Variants in CRYBB2 observed in about 807,000 individuals in gnomAD.
CRYBB2 encodes beta-crystallin B2.
In CRYBB2, 12 loss-of-function variants were observed where a neutral mutation model predicts 24.3. The observed-to-expected ratio is 0.49, with a 90% CI of 0.32 to 0.80. CRYBB2 has a LOEUF of 0.80. Among genes scored for constraint, CRYBB2 ranks in the 30% least tolerant of loss-of-function variants. The probability of loss-of-function intolerance (pLI) is 0.04; values close to 1 mark genes in which losing one functional copy is unlikely to be tolerated. For missense variants in CRYBB2, 198 were observed against 268.5 expected (o/e 0.74, Z 1.83); for synonymous variants, 98 against 101.6 (o/e 0.96, Z 0.21).
upstream of CRYBB2, among the ~76,000 whole-genome samples, chr22:25,215,544 G>C (rs1304121323): frequency 1.4e-5 from 2 of 146,114 alleles, no homozygotes; most frequent in African/African-American, 5.0e-5. Context: ...TTCTGTGTGT[G>C]TGTCTTTAAT....
At chr22:25,226,333 A>C (rs560222584) in intron 3 of CRYBB2, among the ~76,000 whole-genome samples, 7 of 152,170 alleles carry the variant, frequency 4.6e-5, no homozygotes, top group Non-Finnish European at 8.8e-5. Context: ...TTTTCAAAGT[A>C]GTTTGAGGAA....
chr22:25,226,569 G>A (rs1476755638), intron 3 of CRYBB2, among the ~76,000 whole-genome samples: 2 of 152,230 alleles, frequency 1.3e-5, no homozygotes, highest in Admixed American at 1.3e-4. Flanking sequence ...GGTCCTGATT[G>A]TAGGATGTTT....
At chr22:25,224,702 G>T (rs1250754979) in intron 2 of CRYBB2, among the ~76,000 whole-genome samples, 3 of 152,058 alleles carry the variant, frequency 2.0e-5, no homozygotes. Flanking sequence ...TTTTACAGAC[G>T]GGGAGACTGA....
upstream of CRYBB2, chr22:25,219,421 T>C (rs1341568783): frequency 6.6e-6 from 1 of 152,300 alleles, no homozygotes; most frequent in Non-Finnish European, 1.5e-5. Flanking sequence ...GGGCATCTCC[T>C]TGCCCAGCCG....
chr22:25,221,750 A>G (rs192238099), intron 2 of CRYBB2, among the ~76,000 whole-genome samples: 1 of 152,196 alleles, frequency 6.6e-6, no homozygotes, highest in Admixed American at 6.5e-5. Context: ...GCCACACCCT[A>G]TTGTCTACAG....
chr22:25,222,070 C>T (rs1472034181), intron 2 of CRYBB2, among the ~76,000 whole-genome samples: 1 of 152,336 alleles, frequency 6.6e-6, no homozygotes, highest in Admixed American at 6.5e-5. Context: ...CTTATCCCAA[C>T]GTCAGAGGCT....
At chr22:25,216,011 A>G (rs536777672), upstream of CRYBB2, among the ~76,000 whole-genome samples, 1 of 152,232 alleles carries the variant, frequency 6.6e-6, no homozygotes, top group East Asian at 1.9e-4. Context: ...TAAATACAAT[A>G]CTTACATCTT....
intron 2 of CRYBB2, among the ~76,000 whole-genome samples, chr22:25,224,135 A>C (rs1935372215): frequency 7.0e-6 from 1 of 143,864 alleles, no homozygotes; most frequent in African/African-American, 2.5e-5. Context: ...AAAAAAAAAA[A>C]CAAAAAACCT....
chr22:25,221,365 C>A, intron 1 of CRYBB2, 39 bp from the exon 2 acceptor site: 1 of 1,305,196 alleles, frequency 7.7e-7, no homozygotes, highest in Non-Finnish European at 1.1e-6. Flanking sequence ...AAGCCAGTGG[C>A]CCCTCCAGGT....
At chr22:25,226,959 C>A (rs1486272015) in intron 3 of CRYBB2, among the ~76,000 whole-genome samples, 1 of 152,218 alleles carries the variant, frequency 6.6e-6, no homozygotes, top group East Asian at 1.9e-4. Flanking sequence ...CAGGCGTGAG[C>A]CACAGCGCCC....
chr22:25,228,467 G>A (rs1194154081), intron 4 of CRYBB2, among the ~76,000 whole-genome samples: 2 of 151,032 alleles, frequency 1.3e-5, no homozygotes, highest in East Asian at 1.9e-4. Context: ...TTCAAGACTC[G>A]TGCCAGTGTG....
chr22:25,226,794 C>T (rs1411509237), intron 3 of CRYBB2, among the ~76,000 whole-genome samples: 1 of 152,232 alleles, frequency 6.6e-6, no homozygotes, highest in Admixed American at 6.5e-5. Flanking sequence ...CTCCCTCAGA[C>T]TACTGAGTAG....
At chr22:25,230,811 C>A (rs943119915) in intron 5 of CRYBB2, among the ~76,000 whole-genome samples, 89 of 149,644 alleles carry the variant, frequency 5.9e-4, no homozygotes, top group African/African-American at 1.8e-3. Flanking sequence ...CTAGAAGGGG[C>A]AACTGTAAAT....
At chr22:25,221,165 C>A (rs1935313102) in intron 1 of CRYBB2, among the ~76,000 whole-genome samples, 2 of 152,232 alleles carry the variant, frequency 1.3e-5, no homozygotes, top group African/African-American at 4.8e-5. Flanking sequence ...TTTATTACTG[C>A]TCTCTTTCTT....
chr22:25,218,735 G>A (rs1569015946), upstream of CRYBB2, among the ~76,000 whole-genome samples: 27 of 41,512 alleles, frequency 6.5e-4, no homozygotes, highest in East Asian at 2.5e-3. Context: ...AGAGAGAGAG[G>A]GGAGAGAGAG....
At chr22:25,228,948 G>A (rs1175587259) in intron 4 of CRYBB2, among the ~76,000 whole-genome samples, 15 of 152,042 alleles carry the variant, frequency 9.9e-5, no homozygotes, top group Non-Finnish European at 1.5e-4. Context: ...GTGTGTGCGC[G>A]CAAGTGTGTG....
upstream of CRYBB2, among the ~76,000 whole-genome samples, chr22:25,217,309 A>G (rs1935186001): frequency 1.3e-5 from 2 of 150,102 alleles, no homozygotes; most frequent in Non-Finnish European, 3.0e-5. Context: ...GATTTATTTT[A>G]TGTTATTTAT....
intron 3 of CRYBB2, among the ~76,000 whole-genome samples, chr22:25,225,702 G>C (rs73403343): frequency 0.011 from 1,609 of 152,278 alleles, 32 homozygotes; most frequent in African/African-American, 0.032. Context: ...AGGAATGTCC[G>C]CTGGTGGCCA....
intron 2 of CRYBB2, among the ~76,000 whole-genome samples, chr22:25,223,721 G>A (rs1935360696): frequency 6.6e-6 from 1 of 152,152 alleles, no homozygotes; most frequent in East Asian, 1.9e-4. Flanking sequence ...TGCTGACCGT[G>A]TCGATTCTGT....
Sources: gnomAD v4.1 joint callset for allele counts (sites outside exome capture counted in the v4.1 genomes callset) on GRCh38, gnomAD v4.1.1 for gene constraint, MANE v1.5 for transcripts, NCBI Gene and HGNC (gene_info 2026-07-23, HGNC 2026-07-21) for gene names.